TIMP2: variants seen among roughly 807,000 people sequenced by gnomAD.
TIMP2 encodes TIMP metallopeptidase inhibitor 2, also known as metalloproteinase inhibitor 2.
In TIMP2, 5 loss-of-function variants were observed where a neutral mutation model predicts 24.3. The ratio of observed to expected loss-of-function variants is 0.21; its 90% CI spans 0.11 to 0.43. The LOEUF (loss-of-function observed/expected upper bound fraction) is 0.43, where lower values mean the gene tolerates loss of function less well. TIMP2 is among the 20% of genes least tolerant of loss of function. The pLI, the probability that TIMP2 is intolerant of heterozygous loss-of-function variation, is 1.00. For synonymous variants in TIMP2, 130 were observed against 123.2 expected, an observed-to-expected ratio of 1.06 and a Z score of -0.37; for missense variants, 221 against 297.5, an observed-to-expected ratio of 0.74 and a Z score of 1.89.
intron 1 of TIMP2, among the ~76,000 whole-genome samples, chr17:78,882,190 T>C (rs2069786015): frequency 6.6e-6 from 1 of 152,244 alleles, no homozygotes; most frequent in Admixed American, 6.5e-5. Flanking sequence ...CAGGCTGGTC[T>C]TGAACTCCTG....
At chr17:78,879,680 C>A (rs1434443361) in intron 1 of TIMP2, among the ~76,000 whole-genome samples, 1 of 152,178 alleles carries the variant, frequency 6.6e-6, no homozygotes, top group Non-Finnish European at 1.5e-5. Flanking sequence ...TCTCAGATTT[C>A]GTTTTTCCTT....
intron 1 of TIMP2, among the ~76,000 whole-genome samples, chr17:78,911,989 G>A (rs576920097): frequency 3.7e-4 from 56 of 150,924 alleles, no homozygotes; most frequent in South Asian, 2.1e-3. Flanking sequence ...GCTTGAAGCC[G>A]GGAGACAGAG....
chr17:78,865,501 G>C (rs948413902), intron 3 of TIMP2, among the ~76,000 whole-genome samples: 1 of 151,920 alleles, frequency 6.6e-6, no homozygotes, highest in Non-Finnish European at 1.5e-5. Context: ...GCACATGCCT[G>C]TAATCCCTGC....
Position 78,867,879 on chromosome 17 carries a change from G to A in TIMP2, c.340+3019C>T, listed in dbSNP as rs137976610. On this transcript the variant is annotated intron_variant, in intron 3 of 4. Coordinates refer to ENST00000262768, the MANE Select transcript of TIMP2 (RefSeq NM_003255.5). ...CTCCCAAAGTGCTAGGATTACAGGC[G>A]TGAGCCACCTCGCCCGGCCCCTTTT... Among the ~76,000 whole-genome samples, 266 of 152,152 alleles carry A rather than the reference G, an allele frequency of 1.7e-3. 2 individuals are homozygous for A. The highest frequency in any genetic ancestry group is 5.8e-3 in the African/African-American group (242 of 41,512).
In TIMP2 at chr17:78,896,441, A is replaced by G. The variant is rs557945561; in HGVS notation, c.131-22522T>C. ...TGGCAGGACACTTGCCAATGAAGACAGCCATGGTTCCAATCAGGGCCCTCG... is the reference window on the plus strand; with the variant it reads ...TGGCAGGACACTTGCCAATGAAGACGGCCATGGTTCCAATCAGGGCCCTCG... On this transcript the variant is annotated intron_variant, in intron 1 of 4. Coordinates refer to ENST00000262768, the MANE Select transcript of TIMP2 (RefSeq NM_003255.5). The surrounding 1 kb of genome is among the most constrained non-coding windows in gnomAD (Gnocchi z 4.4). 6.6e-6 allele frequency among the ~76,000 whole-genome samples: 1 copy of G among 152,272 alleles called. No individual in the cohort carries two copies. Among genetic ancestry groups the G allele is most frequent in the South Asian group, 2.1e-4 (1 of 4,828 alleles).
intron 3 of TIMP2, among the ~76,000 whole-genome samples, chr17:78,864,407 T>C (rs1397142167): frequency 4.8e-5 from 7 of 144,772 alleles, no homozygotes; most frequent in Non-Finnish European, 1.1e-4. Flanking sequence ...CTTCCTTCCT[T>C]CCTCCCTTCC....
rs761177121 is a variant in TIMP2 at position 78,914,588 on chromosome 17, G to GT, written c.130+10370dup. Among the ~76,000 whole-genome samples the GT allele has an allele frequency of 3.1e-3, 462 of 147,730 alleles. 13 individuals are homozygous for GT. In the East Asian group the frequency reaches 0.055, roughly 18 times the overall value. ...ATGAGCTACTGCACCCAGCCAAGCTGTTTTTTTTTTCTTTATAGACAGAGT... is the reference window on the plus strand; with the variant it reads ...ATGAGCTACTGCACCCAGCCAAGCTGTTTTTTTTTTTCTTTATAGACAGAGT... On this transcript the variant is annotated intron_variant, in intron 1 of 4. Coordinates refer to ENST00000262768, the MANE Select transcript of TIMP2 (RefSeq NM_003255.5).
intron 3 of TIMP2, among the ~76,000 whole-genome samples, chr17:78,864,085 T>C (rs2069588955): frequency 6.6e-6 from 1 of 152,130 alleles, no homozygotes; most frequent in African/African-American, 2.4e-5. Flanking sequence ...GTTATCTTTT[T>C]CTCTTCTAAA....
chr17:78,900,875 G>T (rs1316357845), intron 1 of TIMP2: 1 of 152,272 alleles, frequency 6.6e-6, no homozygotes, highest in Non-Finnish European at 1.5e-5. Context: ...AAAGACGCTG[G>T]GCCACCAGAA....
chr17:78,866,064 C>G (rs1286167259), intron 3 of TIMP2, among the ~76,000 whole-genome samples: 1 of 152,194 alleles, frequency 6.6e-6, no homozygotes, highest in Non-Finnish European at 1.5e-5. Context: ...GATTCTGTCT[C>G]CTTTCTTGTC....
intron 1 of TIMP2, among the ~76,000 whole-genome samples, chr17:78,885,473 C>A (rs529196874): frequency 1.3e-5 from 2 of 152,220 alleles, no homozygotes; most frequent in South Asian, 4.1e-4. Flanking sequence ...TTCCGGGTGG[C>A]TCCATCCCTT....
At chr17:78,884,194 G>A (rs1268470622) in intron 1 of TIMP2, among the ~76,000 whole-genome samples, 2 of 152,108 alleles carry the variant, frequency 1.3e-5, no homozygotes, top group East Asian at 1.9e-4. Context: ...CCTGCAACCC[G>A]CCCCCCTACA....
At chr17:78,882,987 C>A (rs2069792337) in intron 1 of TIMP2, among the ~76,000 whole-genome samples, 1 of 152,308 alleles carries the variant, frequency 6.6e-6, no homozygotes, top group African/African-American at 2.4e-5. Flanking sequence ...GTGCGGCAGA[C>A]CTCCTCCAAA....
At chr17:78,888,637 G>T (rs973138206) in intron 1 of TIMP2, among the ~76,000 whole-genome samples, 7 of 152,110 alleles carry the variant, frequency 4.6e-5, no homozygotes, top group Admixed American at 3.9e-4. Context: ...TTTTTTGTAG[G>T]ATAGGGTCTC....
rs2070330927 is a variant in TIMP2 at position 78,924,161 on chromosome 17, C to T, written c.130+798G>A. ...AAATAACTGGGCCCCTCCTGCCTCC[C>T]TCCATGGCGCCTGTCTTTTGGGGGC... On this transcript the variant is annotated intron_variant, in intron 1 of 4. Transcript: ENST00000262768. This position sits in a 1 kb window ranked among gnomAD's most constrained non-coding sequence, Gnocchi z 5.3. Among the ~76,000 whole-genome samples, 1 of 152,230 alleles carries T rather than the reference C, an allele frequency of 6.6e-6. No homozygotes were observed. The highest frequency in any genetic ancestry group is 1.5e-5 in the Non-Finnish European group (1 of 68,044).
chr17:78,884,553 G>A (rs994793308), intron 1 of TIMP2, among the ~76,000 whole-genome samples: 4 of 152,096 alleles, frequency 2.6e-5, no homozygotes, highest in African/African-American at 9.7e-5. Context: ...GGGGGCTGAG[G>A]TCCCCACTCC....
In TIMP2 at chr17:78,868,941, G is replaced by A. The variant is rs78966762; in HGVS notation, c.340+1957C>T. On this transcript the variant is annotated intron_variant, in intron 3 of 4. Coordinates refer to ENST00000262768, the MANE Select transcript of TIMP2 (RefSeq NM_003255.5). ...GCGGGTGCTGTGGCATGTAGAGGGT[G>A]GGGGCCAGGGATGCAGCTGAATATC... Among the ~76,000 whole-genome samples, 1,397 of 152,212 alleles carry A rather than the reference G, an allele frequency of 9.2e-3. 17 individuals are homozygous for A. Among genetic ancestry groups the A allele is most frequent in the African/African-American group, 0.032 (1,312 of 41,526 alleles).
In TIMP2 at chr17:78,891,553, G is replaced by C. The variant is rs1341633008; in HGVS notation, c.131-17634C>G. ...CTGGGGACACGGCTTCCCTTCTGCA[G>C]CTGGAATCAGCTGGCCACAGCTGCC... On this transcript the variant is annotated intron_variant, in intron 1 of 4. Transcript: ENST00000262768. This position sits in a 1 kb window ranked among gnomAD's most constrained non-coding sequence, Gnocchi z 4.5. The C allele has an allele frequency of 6.4e-7, 1 of 1,550,780 alleles. No homozygotes were observed. Among genetic ancestry groups the C allele is most frequent in the African/African-American group, 1.4e-5 (1 of 73,032 alleles).
At chr17:78,890,613 T>C in intron 1 of TIMP2, 2 of 1,543,128 alleles carry the variant, frequency 1.3e-6, no homozygotes, top group Non-Finnish European at 8.8e-7. Context: ...CAGTGATGTA[T>C]TTACCCCGGG....
Sources: gnomAD v4.1 joint callset for allele counts (sites outside exome capture counted in the v4.1 genomes callset) on GRCh38, gnomAD v4.1.1 for gene constraint, Gnocchi (gnomAD v3.1) non-coding constraint, MANE v1.5 for transcripts, NCBI Gene and HGNC (gene_info 2026-07-23, HGNC 2026-07-21) for gene names.